Variants in PPARGC1A observed in about 807,000 individuals in gnomAD.
PPARGC1A encodes the protein PPARG coactivator 1 alpha.
Under a neutral mutation model 88.7 loss-of-function variants are expected in PPARGC1A, and 25 were observed. The ratio of observed to expected loss-of-function variants is 0.28; its 90% CI spans 0.21 to 0.39. The LOEUF is 0.39. Ranked by LOEUF, PPARGC1A falls within the 10% of genes least tolerant of loss-of-function variation. PPARGC1A has a pLI of 1.00. For synonymous variants in PPARGC1A, 363 were observed against 355.6 expected, an observed-to-expected ratio of 1.02 and a Z score of -0.24; for missense variants, 880 against 968.7, an observed-to-expected ratio of 0.91 and a Z score of 1.22.
At chr4:24,100,303 G>A in the PPARGC1A span, among the ~76,000 whole-genome samples, 2 of 152,154 alleles carry the variant, frequency 1.3e-5, no homozygotes, top group Non-Finnish European at 2.9e-5. Flanking sequence ...GCTTAGGTTG[G>A]ATTTGGAACA....
the PPARGC1A span, among the ~76,000 whole-genome samples, chr4:24,151,823 G>A: frequency 3.5e-4 from 53 of 152,176 alleles, no homozygotes; most frequent in African/African-American, 1.1e-3. Flanking sequence ...TCCCAAATAG[G>A]TCTATGCCTC....
chr4:24,341,883 A>G, the PPARGC1A span, among the ~76,000 whole-genome samples: 386 of 152,318 alleles, frequency 2.5e-3, 2 homozygotes, highest in Non-Finnish European at 4.4e-3. Context: ...TGTTGAGTAC[A>G]TGACTGTGGT....
At chr4:24,358,266 G>A in the PPARGC1A span, among the ~76,000 whole-genome samples, 1 of 152,156 alleles carries the variant, frequency 6.6e-6, no homozygotes. Flanking sequence ...GCTTGCATGT[G>A]CCAGGTCCAA....
the PPARGC1A span, among the ~76,000 whole-genome samples, chr4:24,032,804 C>G: frequency 9.5e-4 from 145 of 152,302 alleles, no homozygotes; most frequent in African/African-American, 3.3e-3. Flanking sequence ...CTGTCCTGAC[C>G]ATTCTTGTAT....
the PPARGC1A span, among the ~76,000 whole-genome samples, chr4:24,303,779 AAAG>A: frequency 6.6e-6 from 1 of 152,230 alleles, no homozygotes; most frequent in African/African-American, 2.4e-5. Context: ...GTGTTGTACA[AAAG>A]AAGAAGAAAA....
In PPARGC1A at chr4:23,794,589, G is replaced by A. The variant is rs538581131; in HGVS notation, c.*1233C>T. The A allele has an allele frequency of 4.0e-4, 61 of 152,440 alleles. No individual in the cohort carries two copies. The highest frequency in any genetic ancestry group is 1.4e-3 in the African/African-American group (59 of 41,476). The allele number at this position is 152,440 out of a possible 1,614,324, so 9.4% of individuals were successfully genotyped here. On this transcript the variant is annotated 3_prime_UTR_variant, in exon 13 of 13. Coordinates refer to ENST00000264867, the MANE Select transcript of PPARGC1A (RefSeq NM_013261.5). Reference sequence around the variant, plus strand: ...CTAAATATGTTAGTGTACAATAATTGTTTCACCTCATAATTACATTTGAAT... The same window carrying A: ...CTAAATATGTTAGTGTACAATAATTATTTCACCTCATAATTACATTTGAAT...
At chr4:24,328,449 CAAAAG>C in the PPARGC1A span, among the ~76,000 whole-genome samples, 452 of 152,204 alleles carry the variant, frequency 3.0e-3, 6 homozygotes, top group African/African-American at 0.01. Flanking sequence ...TTCCCATTAA[CAAAAG>C]AAAAGAGGCA....
the PPARGC1A span, among the ~76,000 whole-genome samples, chr4:24,044,480 C>A: frequency 6.6e-6 from 1 of 152,148 alleles, no homozygotes; most frequent in African/African-American, 2.4e-5. Flanking sequence ...AGGGTCAGAG[C>A]AGCCATTTTG....
the PPARGC1A span, among the ~76,000 whole-genome samples, chr4:24,084,337 T>C: frequency 2.6e-5 from 4 of 152,314 alleles, no homozygotes; most frequent in Admixed American, 2.0e-4. Context: ...TGAAGAATTA[T>C]ACCTATGGAT....
chr4:23,894,651 C>T (rs1718307530), upstream of PPARGC1A, among the ~76,000 whole-genome samples: 1 of 152,110 alleles, frequency 6.6e-6, no homozygotes, highest in African/African-American at 2.4e-5. Context: ...CTCTATGGAA[C>T]TGAGTCAGCC....
At chr4:24,025,161 C>T in the PPARGC1A span, among the ~76,000 whole-genome samples, 1 of 152,236 alleles carries the variant, frequency 6.6e-6, no homozygotes, top group African/African-American at 2.4e-5. Context: ...TCTGTACTTT[C>T]TAAAATATGG....
At chr4:24,018,518 C>T in the PPARGC1A span, among the ~76,000 whole-genome samples, 1 of 152,056 alleles carries the variant, frequency 6.6e-6, no homozygotes, top group Non-Finnish European at 1.5e-5. Flanking sequence ...CCATGCCTCA[C>T]CCTGCCCATA....
the PPARGC1A span, among the ~76,000 whole-genome samples, chr4:24,294,502 C>G: frequency 6.6e-6 from 1 of 152,104 alleles, no homozygotes; most frequent in Non-Finnish European, 1.5e-5. Flanking sequence ...GGAAGCAATT[C>G]AGAAGGACTT....
At chr4:24,452,257 A>C in the PPARGC1A span, among the ~76,000 whole-genome samples, 8,504 of 139,964 alleles carry the variant, frequency 0.061, 329 homozygotes, top group African/African-American at 0.11. Flanking sequence ...CCACCCCCCC[A>C]CACACAAACA....
At chr4:24,445,118 A>C in the PPARGC1A span, among the ~76,000 whole-genome samples, 2 of 152,180 alleles carry the variant, frequency 1.3e-5, no homozygotes, top group Non-Finnish European at 2.9e-5. Flanking sequence ...CTGACCTGAC[A>C]ATCCTGAACA....
chr4:24,396,787 T>C, the PPARGC1A span, among the ~76,000 whole-genome samples: 1 of 152,140 alleles, frequency 6.6e-6, no homozygotes. Context: ...TCGGCTTTTT[T>C]GATTCCTTCA....
chr4:23,822,878 T>G (rs887041485), intron 7 of PPARGC1A, among the ~76,000 whole-genome samples: 1 of 152,080 alleles, frequency 6.6e-6, no homozygotes, highest in Non-Finnish European at 1.5e-5. Flanking sequence ...GCTTCCCCAA[T>G]TTATATCTGT....
upstream of PPARGC1A, among the ~76,000 whole-genome samples, chr4:23,891,304 A>T (rs1717818221): frequency 6.6e-6 from 1 of 152,204 alleles, no homozygotes; most frequent in Non-Finnish European, 1.5e-5. Flanking sequence ...TTTTCATAAA[A>T]TGTTAAACCC....
the PPARGC1A span, among the ~76,000 whole-genome samples, chr4:23,927,108 A>G: frequency 3.3e-5 from 5 of 152,344 alleles, no homozygotes; most frequent in East Asian, 9.6e-4. Context: ...CCTACCGTAA[A>G]TGTGTTCAGA....
Sources: gnomAD v4.1 joint callset for allele counts (sites outside exome capture counted in the v4.1 genomes callset) on GRCh38, gnomAD v4.1.1 for gene constraint, MANE v1.5 for transcripts, NCBI Gene and HGNC (gene_info 2026-07-23, HGNC 2026-07-21) for gene names.